TCF7L2: variants seen among roughly 807,000 people sequenced by gnomAD.
TCF7L2 encodes the protein transcription factor 7-like 2.
In TCF7L2, 23 loss-of-function variants were observed where a neutral mutation model predicts 77.9. That is an observed-to-expected ratio of 0.30 (90% CI 0.21 to 0.42). The LOEUF is 0.42. Ranked by LOEUF, TCF7L2 falls within the 10% of genes least tolerant of loss-of-function variation. TCF7L2 has a pLI of 1.00. For synonymous variants in TCF7L2, 413 were observed against 340.2 expected (o/e 1.21, Z -2.36); for missense variants, 654 against 793.1 (o/e 0.82, Z 2.11).
intron 8 of TCF7L2, among the ~76,000 whole-genome samples, chr10:113,148,080 C>T (rs925051548): frequency 3.3e-5 from 5 of 152,176 alleles, no homozygotes; most frequent in Non-Finnish European, 5.9e-5. Context: ...TGTTCCAGAA[C>T]ACCCTTTGAT....
intron 5 of TCF7L2, among the ~76,000 whole-genome samples, chr10:113,059,850 A>C (rs1055032992): frequency 6.6e-6 from 1 of 152,146 alleles, no homozygotes; most frequent in Non-Finnish European, 1.5e-5. Context: ...AAAAGAGCAG[A>C]TTGTTTTCTC....
chr10:113,058,725 G>A (rs545480990), intron 5 of TCF7L2, among the ~76,000 whole-genome samples: 63 of 152,080 alleles, frequency 4.1e-4, no homozygotes, highest in Non-Finnish European at 7.4e-4. Flanking sequence ...TGTGTGCGCT[G>A]TACGTTAATA....
rs775373246 is a variant in TCF7L2, at chr10:113,141,251, G to A, written c.620G>A (p.Ser207Asn). Residue 207 changes from serine to asparagine, a missense_variant, in exon 6 of 14, where the codon AGC (serine) becomes AAC (asparagine). This residue lies in a region of TCF7L2 where 179 missense variants were observed against 270.6 expected (regional missense o/e 0.66). Transcript: ENST00000627217. ...CCCCTCACGCCTCTTATCACGTACAGCAATGAACACTTCACGCCGGGAAAC... is the reference window on the plus strand; with the variant it reads ...CCCCTCACGCCTCTTATCACGTACAACAATGAACACTTCACGCCGGGAAAC... The A allele has an allele frequency of 6.2e-7, 1 of 1,614,158 alleles. No individual in the cohort carries two copies. Among genetic ancestry groups the A allele is most frequent in the East Asian group, 2.2e-5 (1 of 44,878 alleles).
intron 5 of TCF7L2, among the ~76,000 whole-genome samples, chr10:113,095,176 G>A (rs908903380): frequency 1.3e-5 from 2 of 152,198 alleles, no homozygotes; most frequent in South Asian, 4.1e-4. Flanking sequence ...TGCATCTCAT[G>A]TGGCAGAGGG....
At chr10:113,101,559 G>C (rs956954427) in intron 5 of TCF7L2, among the ~76,000 whole-genome samples, 2 of 151,446 alleles carry the variant, frequency 1.3e-5, no homozygotes, top group African/African-American at 4.9e-5. Context: ...AAAGAAGAGA[G>C]GGGCTGGGCG....
At chr10:113,088,423 T>A (rs1468405215) in intron 5 of TCF7L2, among the ~76,000 whole-genome samples, 2 of 151,784 alleles carry the variant, frequency 1.3e-5, no homozygotes, top group Non-Finnish European at 2.9e-5. Flanking sequence ...ACCTACCTCA[T>A]AAGGTAGGGG....
At chr10:113,147,697 C>T (rs1402525643) in intron 8 of TCF7L2, among the ~76,000 whole-genome samples, 2 of 152,160 alleles carry the variant, frequency 1.3e-5, no homozygotes, top group East Asian at 3.8e-4. Flanking sequence ...CATCTTCCCA[C>T]CTTCCCAGCA....
At chr10:113,008,907 G>A (rs114644866) in intron 4 of TCF7L2, among the ~76,000 whole-genome samples, 17 of 152,244 alleles carry the variant, frequency 1.1e-4, no homozygotes, top group African/African-American at 4.1e-4. Context: ...TCATGGAATA[G>A]CCTCAGGCTT....
chr10:112,959,795 G>T (rs971358522), intron 3 of TCF7L2, among the ~76,000 whole-genome samples: 10 of 152,098 alleles, frequency 6.6e-5, no homozygotes, highest in Non-Finnish European at 1.5e-4. Flanking sequence ...GGGAAGCTGG[G>T]CTTATAATGG....
rs1172438090 is a variant in TCF7L2 at position 112,950,444 on chromosome 10, T to G, written c.-313T>G. On this transcript the variant is annotated 5_prime_UTR_variant, in exon 1 of 14. Coordinates refer to ENST00000627217, the MANE Select transcript of TCF7L2 (RefSeq NM_001146274.2). ...CTTTATATCTGACTTCTTGTTGTTG[T>G]TGGTGTTTTTTTTTTTTTTACCCCC... 3.7e-4 allele frequency: 92 copies of G among 246,404 alleles called. No homozygotes were observed. The highest frequency in any genetic ancestry group is 1.6e-3 in the African/African-American group (67 of 42,470). The allele number at this position is 246,404 out of a possible 1,614,324, so 15.3% of individuals were successfully genotyped here.
intron 4 of TCF7L2, among the ~76,000 whole-genome samples, chr10:113,020,063 G>A (rs2048033169): frequency 6.6e-6 from 1 of 152,150 alleles, no homozygotes; most frequent in African/African-American, 2.4e-5. Context: ...TTAAAATACT[G>A]GAAAGTGCTG....
intron 4 of TCF7L2, among the ~76,000 whole-genome samples, chr10:113,017,067 A>T (rs1472549874): frequency 5.3e-5 from 8 of 151,310 alleles, no homozygotes. Context: ...TCCTCAACAC[A>T]CTCCTTTCCA....
At chr10:113,148,692 A>G (rs542881095) in intron 8 of TCF7L2, among the ~76,000 whole-genome samples, 1 of 152,342 alleles carries the variant, frequency 6.6e-6, no homozygotes, top group African/African-American at 2.4e-5. Flanking sequence ...TGAGCTGCTT[A>G]GAATTTTTAG....
At chr10:113,037,806 A>G (rs2051612871) in intron 4 of TCF7L2, among the ~76,000 whole-genome samples, 1 of 152,206 alleles carries the variant, frequency 6.6e-6, no homozygotes, top group African/African-American at 2.4e-5. Flanking sequence ...GAGGGATAGC[A>G]TGGGATGTAG....
intron 5 of TCF7L2, among the ~76,000 whole-genome samples, chr10:113,120,635 T>C (rs1167164511): frequency 1.3e-5 from 2 of 152,086 alleles, no homozygotes; most frequent in Admixed American, 1.3e-4. Context: ...GTCTTCTGTT[T>C]TCAAGGGGAC....
chr10:113,091,863 G>C (rs779959771), intron 5 of TCF7L2, among the ~76,000 whole-genome samples: 1 of 152,196 alleles, frequency 6.6e-6, no homozygotes, highest in Non-Finnish European at 1.5e-5. Context: ...ACTGGCCTGG[G>C]TCTGATAGAG....
Position 113,166,936 on chromosome 10 carries a change from G to A in TCF7L2, c.*964G>A, listed in dbSNP as rs551270335. On this transcript the variant is annotated 3_prime_UTR_variant, in exon 14 of 14. Transcript: ENST00000627217. ...AAAGCCATTATGTAAAACAAGACTT[G>A]AAAATGAGTGAGGGAATTTTAGCGA... 5 of 229,738 alleles carry A rather than the reference G, an allele frequency of 2.2e-5. No individual in the cohort carries two copies. The East Asian group carries it at 3.1e-4, about 14-fold the overall frequency. The allele number at this position is 229,738 out of a possible 1,614,324, so 14.2% of individuals were successfully genotyped here. A position where few individuals can be genotyped will look rare whatever the true frequency, so the allele number is the denominator to read the frequency against.
intron 8 of TCF7L2, among the ~76,000 whole-genome samples, chr10:113,146,472 G>A (rs1286200413): frequency 6.6e-6 from 1 of 152,070 alleles, no homozygotes; most frequent in Non-Finnish European, 1.5e-5. Context: ...AAAGATTACT[G>A]GTGTTCTCAA....
At chr10:113,141,444 C>A in intron 6 of TCF7L2, 128 bp downstream of exon 6, 2 of 1,349,918 alleles carry the variant, frequency 1.5e-6, no homozygotes, top group Non-Finnish European at 2.0e-6. Context: ...GTGGGGGGGC[C>A]CCTGTTGCTT....
Sources: allele counts gnomAD v4.1 joint callset (sites outside exome capture counted in the v4.1 genomes callset), GRCh38; gene constraint gnomAD v4.1.1; regional missense constraint gnomAD v4.1.1; transcripts MANE v1.5; gene names NCBI Gene and HGNC (gene_info 2026-07-23, HGNC 2026-07-21).